Variants in HCN1 observed in about 807,000 individuals in gnomAD.
HCN1 encodes potassium/sodium hyperpolarization-activated cyclic nucleotide-gated channel 1.
In HCN1, 13 loss-of-function variants were observed where a neutral mutation model predicts 78.9. That is an observed-to-expected ratio of 0.16 (90% CI 0.11 to 0.26). The LOEUF (loss-of-function observed/expected upper bound fraction) is 0.26. Among genes scored for constraint, HCN1 ranks in the 10% least tolerant of loss-of-function variants. The probability of loss-of-function intolerance (pLI) is 1.00; values close to 1 mark genes in which losing one functional copy is unlikely to be tolerated. For synonymous variants in HCN1, 552 were observed against 455.5 expected, an observed-to-expected ratio of 1.21 and a Z score of -2.70; for missense variants, 810 against 1,154.3, an observed-to-expected ratio of 0.70 and a Z score of 4.32.
Position 45,260,996 on chromosome 5 carries a change from C to T in HCN1, c.*925G>A, listed in dbSNP as rs559025160. The T allele has an allele frequency of 3.7e-4, 56 of 152,514 alleles. No homozygotes were observed. Among genetic ancestry groups the T allele is most frequent in the African/African-American group, 1.4e-3 (56 of 41,474 alleles). The allele number at this position is 152,514 out of a possible 1,614,324, so 9.4% of individuals were successfully genotyped here. On this transcript the variant is annotated 3_prime_UTR_variant, in exon 8 of 8. Coordinates refer to ENST00000303230, the MANE Select transcript of HCN1 (RefSeq NM_021072.4). Reference sequence around the variant, plus strand: ...GTGTAATACAAGCAATTTGTAGATTCGAGCATACAATTTTGCATAAAACAT... The same window carrying T: ...GTGTAATACAAGCAATTTGTAGATTTGAGCATACAATTTTGCATAAAACAT...
intron 4 of HCN1, among the ~76,000 whole-genome samples, chr5:45,374,168 A>T (rs1172004344): frequency 8.6e-6 from 1 of 115,860 alleles, no homozygotes; most frequent in East Asian, 2.2e-4. Flanking sequence ...CATTATATAC[A>T]TAATATATAT....
At chr5:45,274,398 T>C (rs577374044) in intron 6 of HCN1, among the ~76,000 whole-genome samples, 1 of 152,348 alleles carries the variant, frequency 6.6e-6, no homozygotes, top group African/African-American at 2.4e-5. Flanking sequence ...CTCTGAATGT[T>C]GACCTAGTAG....
chr5:45,609,976 A>T (rs937611294), intron 2 of HCN1, among the ~76,000 whole-genome samples: 10 of 152,172 alleles, frequency 6.6e-5, no homozygotes, highest in African/African-American at 2.4e-4. Context: ...ATGCCAGGAT[A>T]AATTGAGGTC....
At chr5:45,320,267 T>C (rs1015466155) in intron 5 of HCN1, among the ~76,000 whole-genome samples, 4 of 151,894 alleles carry the variant, frequency 2.6e-5, no homozygotes, top group Admixed American at 6.6e-5. Flanking sequence ...CCTCATCTCC[T>C]AGAGAACATC....
chr5:45,262,855 C>G lies in HCN1; in HGVS notation c.1784-45G>C, dbSNP rs147028076. 601 of 1,604,878 alleles carry G rather than the reference C, an allele frequency of 3.7e-4. 4 individuals carry two copies. The African/African-American group carries it at 7.4e-3, about 20-fold the overall frequency. ...AGGCACTTAGAAAGCCTACCAATGACTGATGACAACGCCAAGTGAGAGTGG... is the reference window on the plus strand; with the variant it reads ...AGGCACTTAGAAAGCCTACCAATGAGTGATGACAACGCCAAGTGAGAGTGG... On this transcript the variant is annotated intron_variant, in intron 7 of 7. Coordinates refer to ENST00000303230, the MANE Select transcript of HCN1 (RefSeq NM_021072.4).
chr5:45,621,918 C>T (rs377392690), intron 2 of HCN1, among the ~76,000 whole-genome samples: 2 of 152,210 alleles, frequency 1.3e-5, no homozygotes, highest in South Asian at 2.1e-4. Context: ...TTAGTGAAAT[C>T]CACTAATTAG....
intron 3 of HCN1, among the ~76,000 whole-genome samples, chr5:45,446,163 C>G (rs1740790560): frequency 6.6e-6 from 1 of 152,118 alleles, no homozygotes; most frequent in East Asian, 1.9e-4. Flanking sequence ...GAATGTATAA[C>G]TAGAATAACC....
chr5:45,404,693 C>CAAAAAAAA (rs60728403), intron 3 of HCN1, among the ~76,000 whole-genome samples: 8 of 56,226 alleles, frequency 1.4e-4, no homozygotes, highest in Non-Finnish European at 2.1e-4. Context: ...GGGCTATTTG[C>CAAAAAAAA]AAAAAAAAAA....
chr5:45,573,136 C>T (rs1019386296), intron 2 of HCN1, among the ~76,000 whole-genome samples: 6 of 152,220 alleles, frequency 3.9e-5, no homozygotes, highest in South Asian at 2.1e-4. Context: ...ATTATCTATG[C>T]ATATAAATGT....
At chr5:45,679,114 C>T (rs778768577) in intron 1 of HCN1, among the ~76,000 whole-genome samples, 4 of 151,992 alleles carry the variant, frequency 2.6e-5, no homozygotes, top group Non-Finnish European at 4.4e-5. Context: ...TGACTGAATA[C>T]CTCTGGGACA....
chr5:45,371,866 G>T (rs1747371880), intron 4 of HCN1, among the ~76,000 whole-genome samples: 2 of 113,194 alleles, frequency 1.8e-5, no homozygotes, highest in Non-Finnish European at 3.4e-5. Context: ...ATATACATTA[G>T]TAATATTATA....
intron 2 of HCN1, among the ~76,000 whole-genome samples, chr5:45,616,822 A>C (rs1744967102): frequency 6.6e-6 from 1 of 152,002 alleles, no homozygotes; most frequent in Non-Finnish European, 1.5e-5. Flanking sequence ...TTTTTTAATC[A>C]AAATAAAGTA....
At chr5:45,512,887 GAT>G (rs1277713422) in intron 2 of HCN1, among the ~76,000 whole-genome samples, 1 of 152,058 alleles carries the variant, frequency 6.6e-6, no homozygotes, top group Non-Finnish European at 1.5e-5. Context: ...GAGGTTTTTA[GAT>G]AGAGTGAAGT....
intron 5 of HCN1, among the ~76,000 whole-genome samples, chr5:45,349,801 A>G (rs527627807): frequency 2.6e-5 from 4 of 152,252 alleles, no homozygotes; most frequent in Non-Finnish European, 5.9e-5. Context: ...CTCGACACAT[A>G]CACCCTCCCA....
intron 1 of HCN1, among the ~76,000 whole-genome samples, chr5:45,654,311 A>T (rs995564174): frequency 6.6e-6 from 1 of 152,120 alleles, no homozygotes; most frequent in Non-Finnish European, 1.5e-5. Context: ...TTTTCCATTT[A>T]AAAAATCCTT....
chr5:45,682,383 C>A (rs990104919), intron 1 of HCN1, among the ~76,000 whole-genome samples: 1 of 150,594 alleles, frequency 6.6e-6, no homozygotes, highest in Non-Finnish European at 1.5e-5. Context: ...ATTGTAATGG[C>A]TTCAACTCTT....
chr5:45,512,536 A>G (rs1174126166), intron 2 of HCN1, among the ~76,000 whole-genome samples: 2 of 152,098 alleles, frequency 1.3e-5, no homozygotes, highest in Non-Finnish European at 2.9e-5. Context: ...TTAAATATAG[A>G]TTACATAATC....
chr5:45,358,174 A>G (rs1249543769), intron 4 of HCN1, among the ~76,000 whole-genome samples: 1 of 152,118 alleles, frequency 6.6e-6, no homozygotes, highest in Non-Finnish European at 1.5e-5. Context: ...CTAAGAGAGA[A>G]GATAATGGAA....
intron 2 of HCN1, among the ~76,000 whole-genome samples, chr5:45,631,395 C>T (rs950116603): frequency 1.3e-5 from 2 of 152,076 alleles, no homozygotes; most frequent in African/African-American, 4.8e-5. Context: ...GTCAAAATGA[C>T]TGGCAGTGGT....
Sources: gnomAD v4.1 joint callset for allele counts (sites outside exome capture counted in the v4.1 genomes callset) on GRCh38, gnomAD v4.1.1 for gene constraint, MANE v1.5 for transcripts, NCBI Gene and HGNC (gene_info 2026-07-23, HGNC 2026-07-21) for gene names.